Variants in ADCK5 observed in about 807,000 individuals in gnomAD.
ADCK5 encodes the protein uncharacterized aarF domain-containing protein kinase 5.
A neutral mutation model predicts 64.9 loss-of-function variants in ADCK5; 43 were observed. The observed-to-expected ratio is 0.66, with a 90% CI of 0.52 to 0.85. The LOEUF (loss-of-function observed/expected upper bound fraction) is 0.85. ADCK5 is among the 40% of genes least tolerant of loss of function. ADCK5 has a pLI of 0.00. For synonymous variants in ADCK5, 434 were observed against 342.8 expected (o/e 1.27, Z -2.94); for missense variants, 760 against 810.5 (o/e 0.94, Z 0.76).
chr8:144,392,182 T>C lies in ADCK5; in HGVS notation c.1175+12T>C. 1 of 261,146 alleles carries C rather than the reference T, an allele frequency of 3.8e-6. No individual in the cohort carries two copies. Among genetic ancestry groups the C allele is most frequent in the Non-Finnish European group, 7.1e-6 (1 of 140,586 alleles). 16.2% of individuals were successfully genotyped at this position (261,146 alleles called of 1,614,324 possible). On this transcript the variant is annotated intron_variant, in intron 11 of 14. Coordinates refer to ENST00000308860, the MANE Select transcript of ADCK5 (RefSeq NM_174922.5). ...TTCCTGGAGGAGAAGTGAGCGCGGG[T>C]GGGTGGGCGTGGGGCAGGGCAAGCC...
At position 144,392,775 on chromosome 8, in the gene ADCK5, G is replaced by C. The variant is rs1554861537; in HGVS notation, c.1521-1G>C. On this transcript the variant is annotated splice_acceptor_variant, in intron 13 of 14. Transcript: ENST00000308860. LOFTEE classifies it high-confidence loss of function. ...CGCGGCGCTAACGCGGGTGTGTGCA[G>C]GGCTGTCCGGGGCTGGAGCCGCCTG... The C allele has an allele frequency of 1.3e-6, 2 of 1,592,096 alleles. No individual in the cohort carries two copies. Among genetic ancestry groups the C allele is most frequent in the Non-Finnish European group, 1.7e-6 (2 of 1,173,376 alleles).
chr8:144,389,610 C>T (rs1293803636), intron 3 of ADCK5, among the ~76,000 whole-genome samples: 2 of 151,638 alleles, frequency 1.3e-5, no homozygotes, highest in Admixed American at 6.6e-5. Context: ...TTTAGCTCAC[C>T]GAAACCCGCC....
At position 144,390,969 on chromosome 8, in the gene ADCK5, G is replaced by A; in HGVS notation, c.456G>A (p.Leu152=). 10 of 1,613,030 alleles carry A rather than the reference G, an allele frequency of 6.2e-6. No individual in the cohort carries two copies. The highest frequency in any genetic ancestry group is 8.5e-6 in the Non-Finnish European group (10 of 1,179,990). Residue 152 remains leucine (L), a synonymous_variant, in exon 5 of 15, where the codon CTG becomes CTA. Transcript: ENST00000308860. ...TCTACGTGAAGCTGGGCCAGGGGCT[G>A]TGCTCCTTCAACCACCTGCTTCCCC... is the stretch of plus-strand genomic sequence containing the variant. ...GGLYVKLGQG[L]CSFNHLLPPE...
chr8:144,374,149 C>G (rs1819268336), intron 1 of ADCK5, 42 bp downstream of exon 1: 2 of 1,247,826 alleles, frequency 1.6e-6, no homozygotes, highest in Admixed American at 4.2e-5. Flanking sequence ...ATCCTGCACA[C>G]CAGCCCCAGA....
intron 3 of ADCK5, among the ~76,000 whole-genome samples, chr8:144,388,843 C>T (rs1564674408): frequency 6.6e-6 from 1 of 152,138 alleles, no homozygotes; most frequent in Non-Finnish European, 1.5e-5. Flanking sequence ...CAGAGTGGGG[C>T]CTGAATGGCC....
chr8:144,392,266 C>G lies in ADCK5; in HGVS notation c.1188C>G (p.Ala396=). The G allele has an allele frequency of 6.5e-7, 1 of 1,528,052 alleles. No homozygotes were observed. The allele number at this position is 1,528,052 out of a possible 1,614,324, so 94.7% of individuals were successfully genotyped here. Residue 396 remains alanine, a synonymous_variant, in exon 12 of 15, where the codon GCC becomes GCG. Transcript: ENST00000308860. ...CATCCACACCCAGGGACCGCGCAGCCCTCTGCCAGCTGTGGCGGGCCATCA... is the reference window on the plus strand; with the variant it reads ...CATCCACACCCAGGGACCGCGCAGCGCTCTGCCAGCTGTGGCGGGCCATCA... The part of the protein sequence containing the change: ...YQFLEEKDRA[A]LCQLWRAIIL...
Position 144,392,355 on chromosome 8 carries a change from T to C in ADCK5, c.1267+10T>C, listed in dbSNP as rs782234244. 2.5e-5 allele frequency: 37 copies of C among 1,488,726 alleles called. No homozygotes were observed. Among genetic ancestry groups the C allele is most frequent in the Non-Finnish European group, 2.9e-5 (32 of 1,120,818 alleles). The allele number at this position is 1,488,726 out of a possible 1,614,324, so 92.2% of individuals were successfully genotyped here. On this transcript the variant is annotated intron_variant, in intron 12 of 14. Transcript: ENST00000308860. ...GCACTGGGGGTGCAAGGTGAGGGCGTGCGGGGATGGCTGGGGCACCACAGA... is the reference window on the plus strand; with the variant it reads ...GCACTGGGGGTGCAAGGTGAGGGCGCGCGGGGATGGCTGGGGCACCACAGA...
intron 1 of ADCK5, 29 bp downstream of exon 1, chr8:144,374,136 G>A (rs1554856668): frequency 2.4e-6 from 3 of 1,248,314 alleles, no homozygotes; most frequent in African/African-American, 1.6e-5. Flanking sequence ...CGGGGCGCCC[G>A]AGATCCTGCA....
chr8:144,392,434 T>TCCCTCCCC lies in ADCK5; in HGVS notation c.1268-10_1268-3dup, dbSNP rs782650161. 165 of 230,380 alleles carry TCCCTCCCC rather than the reference T, an allele frequency of 7.2e-4. No homozygotes were observed. Among genetic ancestry groups the TCCCTCCCC allele is most frequent in the East Asian group, 6.9e-3 (50 of 7,256 alleles). The allele number at this position is 230,380 out of a possible 1,614,324, so 14.3% of individuals were successfully genotyped here. On this transcript the variant is annotated splice_polypyrimidine_tract_variant and intron_variant, in intron 12 of 14. Coordinates refer to ENST00000308860, the MANE Select transcript of ADCK5 (RefSeq NM_174922.5). ...AGAGCCCCCTCCCTCCCTCCCTCCC[T>TCCCTCCCC]CCCTCCCCAGACTACCTCCTGTTCG...
chr8:144,381,586 G>A (rs776896309), intron 2 of ADCK5, among the ~76,000 whole-genome samples: 19 of 143,238 alleles, frequency 1.3e-4, no homozygotes, highest in African/African-American at 3.6e-4. Flanking sequence ...ATTATGGGCC[G>A]GGTGCAGAAA....
rs1454466228 is a variant in ADCK5, at chr8:144,379,428, G to A, written c.54G>A (p.Arg18=). 2 of 1,610,214 alleles carry A rather than the reference G, an allele frequency of 1.2e-6. No homozygotes were observed. Among genetic ancestry groups the A allele is most frequent in the Non-Finnish European group, 1.7e-6 (2 of 1,178,048 alleles). ...TCCACTCTGCTCTGCTGCACAGCAG[G>A]CAGAAGCCCTGGCCGTCCCCTGCTG... ...CHFHSALLHS[R]QKPWPSPAVF... Residue 18 remains arginine, a synonymous_variant, in exon 2 of 15, where the codon AGG becomes AGA. Coordinates refer to ENST00000308860, the MANE Select transcript of ADCK5 (RefSeq NM_174922.5).
chr8:144,375,731 A>T, intron 1 of ADCK5: 3 of 820,922 alleles, frequency 3.7e-6, no homozygotes, highest in Non-Finnish European at 4.4e-6. Context: ...GTTTGTGCAG[A>T]CAGACTGCAC....
chr8:144,379,569 C>A lies in ADCK5; in HGVS notation c.116+79C>A. On this transcript the variant is annotated intron_variant, in intron 2 of 14. Transcript: ENST00000308860. ...TCTGTGTGCATGCAGAGGTGGCAGT[C>A]GAGGGCCCAAGGCTGGACCTTCTCC... 5 of 1,230,450 alleles carry A rather than the reference C, an allele frequency of 4.1e-6. No homozygotes were observed. In the South Asian group the frequency reaches 7.6e-5, roughly 19 times the overall value. The allele number at this position is 1,230,450 out of a possible 1,614,324, so 76.2% of individuals were successfully genotyped here. A position where few individuals can be genotyped will look rare whatever the true frequency, so the allele number is the denominator to read the frequency against.
At chr8:144,374,995 G>T (rs1242922632) in intron 1 of ADCK5, among the ~76,000 whole-genome samples, 1 of 152,250 alleles carries the variant, frequency 6.6e-6, no homozygotes, top group African/African-American at 2.4e-5. Context: ...TGTCAGCAGA[G>T]CTTGTGTTTG....
intron 3 of ADCK5, among the ~76,000 whole-genome samples, chr8:144,385,492 A>T (rs1308741636): frequency 6.6e-6 from 1 of 151,034 alleles, no homozygotes; most frequent in Non-Finnish European, 1.5e-5. Flanking sequence ...CCCTAAACTT[A>T]AATCACCACC....
At chr8:144,387,435 C>G (rs1819972156) in intron 3 of ADCK5, among the ~76,000 whole-genome samples, 1 of 151,914 alleles carries the variant, frequency 6.6e-6, no homozygotes, top group African/African-American at 2.4e-5. Flanking sequence ...CAGTCTTGCT[C>G]TGTCACTCAG....
chr8:144,391,302 T>C (rs1554860455), intron 6 of ADCK5, 28 bp downstream of exon 6: 2 of 1,612,124 alleles, frequency 1.2e-6, no homozygotes, highest in African/African-American at 1.3e-5. Context: ...TGTTCAGCAG[T>C]GGGCTGGGGC....
chr8:144,384,505 C>T lies in ADCK5; in HGVS notation c.266+1275C>T, dbSNP rs1027854647. ...TTGCTTGGAGTTCCTGCTGTCCCTGCCTGCAGATTTTGGGTGGCATTGTCT... is the reference window on the plus strand; with the variant it reads ...TTGCTTGGAGTTCCTGCTGTCCCTGTCTGCAGATTTTGGGTGGCATTGTCT... On this transcript the variant is annotated intron_variant, in intron 3 of 14. Transcript: ENST00000308860. The surrounding 1 kb of genome is among the most constrained non-coding windows in gnomAD (Gnocchi z 5.7). 1.3e-5 allele frequency among the ~76,000 whole-genome samples: 2 copies of T among 152,206 alleles called. No individual in the cohort carries two copies. Among genetic ancestry groups the T allele is most frequent in the African/African-American group, 4.8e-5 (2 of 41,446 alleles).
Position 144,383,201 on chromosome 8 carries a change from C to T in ADCK5, c.237C>T (p.Leu79=), listed in dbSNP as rs1267526124. The T allele has an allele frequency of 5.6e-6, 9 of 1,595,244 alleles. No individual in the cohort carries two copies. The highest frequency in any genetic ancestry group is 1.3e-5 in the African/African-American group (1 of 74,658). Reference sequence around the variant, plus strand: ...CACGGGAGAAGAGGAGGATGCGGCTCGTGGTGGATGGCATGGGGCGCTTTG... The same window carrying T: ...CACGGGAGAAGAGGAGGATGCGGCTTGTGGTGGATGGCATGGGGCGCTTTG... The part of the protein sequence containing the change: ...AEAREKRRMR[L]VVDGMGRFGR... Residue 79 remains leucine (L), a synonymous_variant, in exon 3 of 15, where the codon CTC becomes CTT. Transcript: ENST00000308860.
Sources: gnomAD v4.1 joint callset for allele counts (sites outside exome capture counted in the v4.1 genomes callset) on GRCh38, gnomAD v4.1.1 for gene constraint, Gnocchi (gnomAD v3.1) non-coding constraint, MANE v1.5 for transcripts, NCBI Gene and HGNC (gene_info 2026-07-23, HGNC 2026-07-21) for gene names.